PMF1: variants seen among roughly 807,000 people sequenced by gnomAD.
PMF1 encodes the protein polyamine modulated factor 1.
PMF1 carries 21 observed loss-of-function variants against 26.7 expected under a neutral mutation model. The observed-to-expected ratio is 0.79, with a 90% confidence interval of 0.56 to 1.13. The LOEUF (loss-of-function observed/expected upper bound fraction) is 1.13, where lower values mean the gene tolerates loss of function less well. PMF1 is among the 50% of genes most tolerant of loss of function. PMF1 has a pLI of 0.00. For missense variants in PMF1, 266 were observed against 254.9 expected (o/e 1.04, Z -0.30); for synonymous variants, 105 against 101.0 (o/e 1.04, Z -0.24).
intron 1 of PMF1, among the ~76,000 whole-genome samples, chr1:156,216,396 A>C (rs1657701991): frequency 6.6e-6 from 1 of 152,110 alleles, no homozygotes; most frequent in African/African-American, 2.4e-5. Flanking sequence ...ATCTCAAAAA[A>C]ATAAATAAAA....
At chr1:156,230,757 A>G (rs1042969563) in intron 1 of PMF1, among the ~76,000 whole-genome samples, 2 of 152,192 alleles carry the variant, frequency 1.3e-5, no homozygotes, top group Admixed American at 1.3e-4. Context: ...CTAGTGGCAG[A>G]GACCTGATTT....
At chr1:156,236,548 G>A in intron 4 of PMF1, 65 bp downstream of exon 4, 1 of 1,518,778 alleles carries the variant, frequency 6.6e-7, no homozygotes, top group South Asian at 1.2e-5. Context: ...CCGCAAATTG[G>A]TGGCTTCCTC....
chr1:156,214,881 A>T (rs56300483), intron 1 of PMF1, among the ~76,000 whole-genome samples: 5,983 of 146,588 alleles, frequency 0.041, 134 homozygotes, highest in African/African-American at 0.045. Flanking sequence ...TATTATTATT[A>T]TTATTTTTTT....
intron 1 of PMF1, chr1:156,225,650 G>T: frequency 6.4e-7 from 1 of 1,559,822 alleles, no homozygotes; most frequent in South Asian, 1.2e-5. Flanking sequence ...CGGCGTGCAG[G>T]TTACCACAGG....
In PMF1 at chr1:156,227,790, G is replaced by T. The variant is rs545997195; in HGVS notation, c.162-4530G>T. 3.4e-5 allele frequency among the ~76,000 whole-genome samples: 5 copies of T among 148,216 alleles called. No individual in the cohort carries two copies. In the South Asian group the frequency reaches 8.7e-4, roughly 26 times the overall value. ...TGGGATAACAGGTGTGAGCCACTGCGCCTGGCCTTAAATTTTTTTTTATTG... is the reference window on the plus strand; with the variant it reads ...TGGGATAACAGGTGTGAGCCACTGCTCCTGGCCTTAAATTTTTTTTTATTG... On this transcript the variant is annotated intron_variant, in intron 1 of 4. Transcript: ENST00000368277.
At chr1:156,225,441 C>G (rs1398099311) in intron 1 of PMF1, 1 of 635,208 alleles carries the variant, frequency 1.6e-6, no homozygotes, top group East Asian at 2.8e-5. Context: ...TCTTTTATCC[C>G]TCACCCCCCT....
chr1:156,236,722 C>A, intron 4 of PMF1: 1 of 578,824 alleles, frequency 1.7e-6, no homozygotes, highest in Non-Finnish European at 3.0e-6. Flanking sequence ...CCTGATGGAG[C>A]AGGTGAGGAC....
intron 1 of PMF1, among the ~76,000 whole-genome samples, chr1:156,222,403 A>G (rs960486169): frequency 6.6e-5 from 10 of 151,266 alleles, no homozygotes; most frequent in Non-Finnish European, 1.3e-4. Context: ...TCTTTTTGAG[A>G]TGGAGTTTCG....
chr1:156,217,957 A>G (rs1657868049), intron 1 of PMF1, among the ~76,000 whole-genome samples: 2 of 152,226 alleles, frequency 1.3e-5, no homozygotes, highest in African/African-American at 4.8e-5. Flanking sequence ...ACTGGATCCT[A>G]GAGTTTACAC....
Position 156,232,416 on chromosome 1 carries a change from A to G in PMF1, c.258A>G (p.Thr86=), listed in dbSNP as rs746254344. Residue 86 remains threonine (T), a synonymous_variant, in exon 2 of 5, where the codon ACA becomes ACG. Transcript: ENST00000368277. The part of the protein sequence containing the change: ...IYDKFIAQLQ[T]SIREEISDIK... ...ACAAGTTTATAGCTCAGTTGCAGAC[A>G]TCTATCCGGGTGAGTGGCGGGAAGC... 8 of 1,613,814 alleles carry G rather than the reference A, an allele frequency of 5.0e-6. No homozygotes were observed. Among genetic ancestry groups the G allele is most frequent in the South Asian group, 2.2e-5 (2 of 91,082 alleles).
At position 156,213,056 on chromosome 1, in the gene PMF1, A is replaced by G. The variant is rs201900663; in HGVS notation, c.41A>G (p.Glu14Gly). 6.2e-7 allele frequency: 1 copy of G among 1,614,224 alleles called. No individual in the cohort carries two copies. The highest frequency in any genetic ancestry group is 8.5e-7 in the Non-Finnish European group (1 of 1,180,022). Residue 14 changes from glutamate to glycine, a missense_variant, in exon 1 of 5, where the codon GAG becomes GGG. By Grantham distance (98) the Glu-to-Gly change is moderately conservative. Transcript: ENST00000368277. ...ASSANLGSGC[E>G]EKRHEGSSSE... Reference sequence around the variant, plus strand: ...AGCGCCAATCTAGGCAGCGGCTGTGAGGAAAAAAGGCATGAGGGGTCGTCT... The same window carrying G: ...AGCGCCAATCTAGGCAGCGGCTGTGGGGAAAAAAGGCATGAGGGGTCGTCT...
intron 1 of PMF1, among the ~76,000 whole-genome samples, chr1:156,222,718 T>C (rs549419004): frequency 3.3e-5 from 5 of 152,234 alleles, no homozygotes; most frequent in South Asian, 2.1e-4. Context: ...GGTTTCACCA[T>C]GTTGGCCAGG....
At chr1:156,217,684 C>T (rs1189055863) in intron 1 of PMF1, among the ~76,000 whole-genome samples, 5 of 150,872 alleles carry the variant, frequency 3.3e-5, no homozygotes, top group South Asian at 2.1e-4. Context: ...GCTGAGATTG[C>T]GCCACTGCAC....
intron 4 of PMF1, among the ~76,000 whole-genome samples, chr1:156,238,342 T>C (rs776255218): frequency 4.6e-5 from 7 of 152,234 alleles, no homozygotes; most frequent in African/African-American, 1.7e-4. Flanking sequence ...CATGCCACAA[T>C]TGTGTGTCCT....
At chr1:156,218,553 G>C (rs567003071) in intron 1 of PMF1, among the ~76,000 whole-genome samples, 5 of 152,042 alleles carry the variant, frequency 3.3e-5, no homozygotes, top group Admixed American at 1.3e-4. Context: ...AGGCTGAGGC[G>C]GGCAGATCAC....
In PMF1 at chr1:156,214,471, T is replaced by G. The variant is rs1657572788; in HGVS notation, c.161+1295T>G. On this transcript the variant is annotated intron_variant, in intron 1 of 4. Transcript: ENST00000368277. ...GTCTTCACTCATGACTCATCAAATA[T>G]TTGAGTGTCAGCTGGGGATACCATG... 2.0e-5 allele frequency among the ~76,000 whole-genome samples: 3 copies of G among 152,322 alleles called. 1 individual carries two copies. In the South Asian group the frequency reaches 6.2e-4, roughly 32 times the overall value.
At chr1:156,213,575 C>CT (rs1657512085) in intron 1 of PMF1, among the ~76,000 whole-genome samples, 1 of 151,888 alleles carries the variant, frequency 6.6e-6, no homozygotes, top group African/African-American at 2.4e-5. Flanking sequence ...AGCGATCTTC[C>CT]TGCCGCAGCT....
rs752786474 is a variant in PMF1 at position 156,233,657 on chromosome 1, G to A, written c.297G>A (p.Gly99=). 8.7e-6 allele frequency: 14 copies of A among 1,613,882 alleles called. No homozygotes were observed. Among genetic ancestry groups the A allele is most frequent in the Non-Finnish European group, 1.1e-5 (13 of 1,179,956 alleles). The change falls in exon 3 of 5, where the codon GGG becomes GGA. Residue 99 remains glycine, a synonymous_variant. Coordinates refer to ENST00000368277, the MANE Select transcript of PMF1 (RefSeq NM_007221.4). ...AAATCTCTGACATCAAAGAGGAGGG[G>A]AACCTAGAAGCTGTCTTGAATGCCT... The part of the protein sequence containing the change: ...REEISDIKEE[G]NLEAVLNALD...
At chr1:156,237,270 G>A (rs964073749) in intron 4 of PMF1, 41 of 121,910 alleles carry the variant, frequency 3.4e-4, no homozygotes, top group African/African-American at 1.1e-3. Flanking sequence ...AACTATAGTT[G>A]CCTTACACTA....
Sources: gnomAD v4.1 joint callset for allele counts (sites outside exome capture counted in the v4.1 genomes callset) on GRCh38, gnomAD v4.1.1 for gene constraint, MANE v1.5 for transcripts, NCBI Gene and HGNC (gene_info 2026-07-23, HGNC 2026-07-21) for gene names.